Variants in UTRN observed in about 807,000 individuals in gnomAD.
The protein encoded by UTRN is dystrophin-related protein 1.
Under a neutral mutation model 463.9 loss-of-function variants are expected in UTRN, and 283 were observed. The ratio of observed to expected loss-of-function variants is 0.61; its 90% CI spans 0.55 to 0.67. The LOEUF (loss-of-function observed/expected upper bound fraction) is 0.67. UTRN is among the 30% of genes least tolerant of loss of function. UTRN has a pLI of 0.00. For synonymous variants in UTRN, 1,442 were observed against 1,431.5 expected, an observed-to-expected ratio of 1.01 and a Z score of -0.17; for missense variants, 3,922 against 4,084.3, an observed-to-expected ratio of 0.96 and a Z score of 1.08.
At chr6:144,664,229 G>A (rs932179933) in intron 51 of UTRN, among the ~76,000 whole-genome samples, 2 of 152,196 alleles carry the variant, frequency 1.3e-5, no homozygotes, top group Non-Finnish European at 2.9e-5. Flanking sequence ...GGGTGGACTT[G>A]TGTCAGGGGA....
intron 58 of UTRN, among the ~76,000 whole-genome samples, chr6:144,768,950 TTTG>T (rs199969324): frequency 0.045 from 5,579 of 125,084 alleles, 469 homozygotes; most frequent in African/African-American, 0.17. Flanking sequence ...TGTTTTTTGT[TTTG>T]TTTTGTTTTT....
At chr6:144,731,032 A>T (rs1009260895) in intron 54 of UTRN, among the ~76,000 whole-genome samples, 1 of 150,878 alleles carries the variant, frequency 6.6e-6, no homozygotes, top group South Asian at 2.1e-4. Context: ...CAAAAAATAT[A>T]TATTTCTTAT....
At position 144,488,954 on chromosome 6, in the gene UTRN, T is replaced by C. The variant is rs148693755; in HGVS notation, c.4134+120T>C. 1.1e-5 allele frequency: 11 copies of C among 986,668 alleles called. No homozygotes were observed. The African/African-American group carries it at 1.5e-4, about 13-fold the overall frequency. The allele number at this position is 986,668 out of a possible 1,614,324, so 61.1% of individuals were successfully genotyped here. A position where few individuals can be genotyped will look rare whatever the true frequency, so the allele number is the denominator to read the frequency against. On this transcript the variant is annotated intron_variant, in intron 30 of 74. Coordinates refer to ENST00000367545, the MANE Select transcript of UTRN (RefSeq NM_007124.3). ...GAGAGTCAATGGGAAAGATTGACCT[T>C]ACTTACAGGGCAGCATTTGGGTTTT...
At chr6:144,427,046 C>G (rs866017060) in intron 7 of UTRN, among the ~76,000 whole-genome samples, 1 of 152,124 alleles carries the variant, frequency 6.6e-6, no homozygotes, top group Non-Finnish European at 1.5e-5. Context: ...AAATTGCCGA[C>G]ATGTGAGTGT....
rs1232568537 is a variant in UTRN, at chr6:144,782,119, G to A, written c.8830G>A (p.Asp2944Asn). Residue 2944 changes from aspartate to asparagine, a missense_variant, in exon 61 of 75, where the codon GAC becomes AAC. Coordinates refer to ENST00000367545, the MANE Select transcript of UTRN (RefSeq NM_007124.3). Reference protein sequence around the residue: ...MCLNWLLNVYDTGRTGKIRVQ... With the variant: ...MCLNWLLNVYNTGRTGKIRVQ... ...TCTCAATTGGTTGCTCAATGTCTAT[G>A]ACACGTAAGTTTATATTTTTTCTCA... The A allele has an allele frequency of 1.9e-6, 3 of 1,591,498 alleles. No individual in the cohort carries two copies. The highest frequency in any genetic ancestry group is 2.6e-6 in the Non-Finnish European group (3 of 1,164,586).
At chr6:144,757,893 TCCAACG>T in intron 57 of UTRN, 30 bp from the exon 58 acceptor site, 2 of 1,591,890 alleles carry the variant, frequency 1.3e-6, no homozygotes, top group African/African-American at 1.4e-5. Context: ...CTTTTTGGTT[TCCAACG>T]TTTCCAATAA....
At chr6:144,789,988 A>T (rs1391059911) in intron 62 of UTRN, among the ~76,000 whole-genome samples, 1 of 152,176 alleles carries the variant, frequency 6.6e-6, no homozygotes, top group African/African-American at 2.4e-5. Context: ...TGGGCAGGTT[A>T]TGTGATTTCA....
At chr6:144,824,594 A>T (rs1476470681) in intron 66 of UTRN, among the ~76,000 whole-genome samples, 1 of 53,272 alleles carries the variant, frequency 1.9e-5, no homozygotes, top group Admixed American at 3.3e-4. Flanking sequence ...ATATATATAT[A>T]TATATATATA....
At chr6:144,437,833 C>T (rs553890640) in intron 11 of UTRN, 87 bp downstream of exon 11, 16 of 1,348,146 alleles carry the variant, frequency 1.2e-5, no homozygotes, top group Non-Finnish European at 1.6e-5. Context: ...TCTGTGAAAG[C>T]GAGATGATTA....
At chr6:144,361,520 T>G (rs1407093391) in intron 2 of UTRN, among the ~76,000 whole-genome samples, 1 of 152,176 alleles carries the variant, frequency 6.6e-6, no homozygotes, top group East Asian at 1.9e-4. Context: ...GATCTATTTC[T>G]GGATGCTAAA....
At chr6:144,415,509 A>C (rs1282127695) in intron 3 of UTRN, among the ~76,000 whole-genome samples, 2 of 152,192 alleles carry the variant, frequency 1.3e-5, no homozygotes. Context: ...AATTTTTTGT[A>C]GATTTTTTTC....
chr6:144,303,085 G>A (rs7741466), intron 2 of UTRN, among the ~76,000 whole-genome samples: 13,893 of 152,206 alleles, frequency 0.091, 1,836 homozygotes, highest in African/African-American at 0.28. Flanking sequence ...AGGAAAGATA[G>A]ATTTGGAAGG....
intron 53 of UTRN, among the ~76,000 whole-genome samples, chr6:144,723,778 G>C (rs542088426): frequency 1.3e-3 from 202 of 152,074 alleles, no homozygotes; most frequent in Non-Finnish European, 1.3e-3. Flanking sequence ...AAGGTGGGTG[G>C]ATTGCCCAAG....
At chr6:144,405,730 T>C (rs1392905186) in intron 3 of UTRN, among the ~76,000 whole-genome samples, 4 of 152,212 alleles carry the variant, frequency 2.6e-5, no homozygotes, top group Non-Finnish European at 5.9e-5. Context: ...GATATTTCCT[T>C]TGTGGCCTCC....
At chr6:144,618,773 A>G (rs1229844298) in intron 51 of UTRN, among the ~76,000 whole-genome samples, 1 of 152,148 alleles carries the variant, frequency 6.6e-6, no homozygotes, top group Non-Finnish European at 1.5e-5. Context: ...TCTATATTAT[A>G]TGCTATATTA....
chr6:144,781,913 C>T lies in UTRN; in HGVS notation c.8633-9C>T. 6.2e-7 allele frequency: 1 copy of T among 1,610,566 alleles called. No individual in the cohort carries two copies. The highest frequency in any genetic ancestry group is 8.5e-7 in the Non-Finnish European group (1 of 1,177,378). On this transcript the variant is annotated splice_polypyrimidine_tract_variant and intron_variant, in intron 60 of 74. Coordinates refer to ENST00000367545, the MANE Select transcript of UTRN (RefSeq NM_007124.3). ...TGACTGTAAACATTCCTTCTTCTCT[C>T]CTGGTTAGTGGATCTCTTAGAGTTG...
chr6:144,643,215 A>G (rs562785320), intron 51 of UTRN, among the ~76,000 whole-genome samples: 2 of 152,330 alleles, frequency 1.3e-5, no homozygotes, highest in African/African-American at 2.4e-5. Flanking sequence ...AGAAAGTAAC[A>G]TACATGAGTG....
chr6:144,802,041 A>G (rs1387256592), intron 64 of UTRN, among the ~76,000 whole-genome samples: 1 of 152,226 alleles, frequency 6.6e-6, no homozygotes, highest in Non-Finnish European at 1.5e-5. Flanking sequence ...GCTCATTGCT[A>G]AAATGTGCTA....
intron 73 of UTRN, among the ~76,000 whole-genome samples, chr6:144,844,266 C>A (rs980190299): frequency 6.6e-6 from 1 of 151,362 alleles, no homozygotes; most frequent in Non-Finnish European, 1.5e-5. Context: ...GTGTCTTTCT[C>A]TCTCTTTTTT....
Sources: allele counts gnomAD v4.1 joint callset (sites outside exome capture counted in the v4.1 genomes callset), GRCh38; gene constraint gnomAD v4.1.1; transcripts MANE v1.5; gene names NCBI Gene and HGNC (gene_info 2026-07-23, HGNC 2026-07-21).